The following PXDNL variants were observed in gnomAD, a reference collection of about 807,000 sequenced individuals.
PXDNL encodes peroxidasin like.
A neutral mutation model predicts 150.8 loss-of-function variants in PXDNL; 145 were observed. The observed-to-expected ratio is 0.96, with a 90% CI of 0.84 to 1.10. The LOEUF (loss-of-function observed/expected upper bound fraction) is 1.10. Among genes scored for constraint, PXDNL ranks in the 50% least tolerant of loss-of-function variants. The probability of loss-of-function intolerance (pLI) is 0.00; values close to 1 mark genes in which losing one functional copy is unlikely to be tolerated. For synonymous variants in PXDNL, 757 were observed against 725.7 expected, an observed-to-expected ratio of 1.04 and a Z score of -0.69; for missense variants, 2,087 against 1,873.9, an observed-to-expected ratio of 1.11 and a Z score of -2.10.
chr8:51,388,926 C>T (rs1034978832), intron 17 of PXDNL, among the ~76,000 whole-genome samples: 3 of 151,984 alleles, frequency 2.0e-5, no homozygotes, highest in African/African-American at 7.2e-5. Flanking sequence ...TGTATTTTTA[C>T]CTTTTCCTTT....
At chr8:51,370,754 G>A (rs534459662) in intron 19 of PXDNL, among the ~76,000 whole-genome samples, 2 of 152,242 alleles carry the variant, frequency 1.3e-5, no homozygotes, top group East Asian at 3.9e-4. Flanking sequence ...CCATCATCAC[G>A]CCTGGCTAAT....
chr8:51,448,903 A>T, intron 11 of PXDNL, 99 bp downstream of exon 11: 1 of 726,976 alleles, frequency 1.4e-6, no homozygotes, highest in South Asian at 1.5e-5. Flanking sequence ...TTTCATGTCC[A>T]TGATACACCT....
intron 1 of PXDNL, among the ~76,000 whole-genome samples, chr8:51,755,621 T>G (rs1472667270): frequency 1.3e-5 from 2 of 152,214 alleles, no homozygotes. Context: ...GTCCTTATGA[T>G]GTGCTGTGAT....
chr8:51,366,798 T>C (rs1488665117), intron 19 of PXDNL, among the ~76,000 whole-genome samples: 1 of 151,968 alleles, frequency 6.6e-6, no homozygotes, highest in Non-Finnish European at 1.5e-5. Context: ...AGAAATCTTC[T>C]TAAGCATAAA....
intron 19 of PXDNL, among the ~76,000 whole-genome samples, chr8:51,348,637 T>C (rs1381618982): frequency 6.6e-6 from 1 of 152,202 alleles, no homozygotes; most frequent in Non-Finnish European, 1.5e-5. Context: ...TATATAAATA[T>C]ATACATATGC....
chr8:51,510,562 T>C (rs567784906), intron 4 of PXDNL, among the ~76,000 whole-genome samples: 1 of 152,296 alleles, frequency 6.6e-6, no homozygotes, highest in East Asian at 1.9e-4. Flanking sequence ...AAAGGAACTA[T>C]AGGCCACATG....
At chr8:51,749,949 C>T (rs528641936) in intron 1 of PXDNL, among the ~76,000 whole-genome samples, 9 of 152,164 alleles carry the variant, frequency 5.9e-5, no homozygotes, top group Non-Finnish European at 1.2e-4. Context: ...TCCTCCCAAC[C>T]TCGGCCTCCC....
chr8:51,637,584 C>T (rs1266276110), intron 2 of PXDNL, among the ~76,000 whole-genome samples: 4 of 151,848 alleles, frequency 2.6e-5, no homozygotes, highest in East Asian at 1.9e-4. Flanking sequence ...TTCTATCAAC[C>T]GGAAGAAAGG....
At chr8:51,372,198 G>T in intron 18 of PXDNL, 117 bp from the exon 19 acceptor site, 1 of 663,796 alleles carries the variant, frequency 1.5e-6, no homozygotes. Context: ...CATACTGAAA[G>T]AATTATGCTT....
At chr8:51,617,680 A>AT (rs1013668831) in intron 2 of PXDNL, among the ~76,000 whole-genome samples, 17 of 152,122 alleles carry the variant, frequency 1.1e-4, no homozygotes, top group Non-Finnish European at 2.1e-4. Context: ...CTAACATTCC[A>AT]TTTTTTTTGT....
chr8:51,806,805 C>T (rs898389951), intron 1 of PXDNL, among the ~76,000 whole-genome samples: 6 of 152,176 alleles, frequency 3.9e-5, no homozygotes, highest in African/African-American at 1.4e-4. Flanking sequence ...AAGTAACTGG[C>T]TGCCCCATTA....
intron 12 of PXDNL, among the ~76,000 whole-genome samples, chr8:51,445,032 ACCTCAGCCTCCCG>A (rs1359387640): frequency 6.6e-6 from 1 of 151,124 alleles, no homozygotes; most frequent in Non-Finnish European, 1.5e-5. Context: ...TCAGCCTCCC[ACCTCAGCCTCCCG>A]AGTAGCTGGG....
At chr8:51,760,508 G>A (rs763161327) in intron 1 of PXDNL, among the ~76,000 whole-genome samples, 10 of 152,182 alleles carry the variant, frequency 6.6e-5, no homozygotes, top group Non-Finnish European at 1.5e-4. Flanking sequence ...TTACTCAAAT[G>A]CAAATTTTGC....
chr8:51,381,155 A>T (rs558895435), intron 17 of PXDNL, among the ~76,000 whole-genome samples: 191 of 152,350 alleles, frequency 1.3e-3, no homozygotes, highest in African/African-American at 4.4e-3. Context: ...TAAGTTAGAT[A>T]GTGTTCCTTC....
At chr8:51,645,853 A>G (rs1490704649) in intron 2 of PXDNL, among the ~76,000 whole-genome samples, 1 of 151,884 alleles carries the variant, frequency 6.6e-6, no homozygotes, top group Non-Finnish European at 1.5e-5. Flanking sequence ...AGTCATAGTG[A>G]AAACATAAAT....
At chr8:51,743,679 G>A (rs2036931318) in intron 1 of PXDNL, among the ~76,000 whole-genome samples, 1 of 151,990 alleles carries the variant, frequency 6.6e-6, no homozygotes, top group South Asian at 2.1e-4. Context: ...ACCATGCCCG[G>A]GCAATTTTTG....
intron 1 of PXDNL, among the ~76,000 whole-genome samples, chr8:51,743,945 A>AAGG (rs2036935574): frequency 9.0e-5 from 2 of 22,344 alleles, no homozygotes; most frequent in Admixed American, 7.6e-4. Flanking sequence ...GGAAGGAGAG[A>AAGG]AAGAGAGAAA....
intron 3 of PXDNL, among the ~76,000 whole-genome samples, chr8:51,561,769 AAGATTAAAAG>A (rs1812725556): frequency 6.6e-6 from 1 of 151,922 alleles, no homozygotes; most frequent in African/African-American, 2.4e-5. Flanking sequence ...TCAGTTTTGC[AAGATTAAAAG>A]GTTCTGGAGA....
At chr8:51,535,690 C>T (rs935135264) in intron 4 of PXDNL, among the ~76,000 whole-genome samples, 9 of 142,562 alleles carry the variant, frequency 6.3e-5, no homozygotes, top group African/African-American at 2.0e-4. Context: ...TCCCCCTCTG[C>T]GAGAAACACC....
Sources: gnomAD v4.1 joint callset for allele counts (sites outside exome capture counted in the v4.1 genomes callset) on GRCh38, gnomAD v4.1.1 for gene constraint, MANE v1.5 for transcripts, NCBI Gene and HGNC (gene_info 2026-07-23, HGNC 2026-07-21) for gene names.